CHCHD6: variants seen among roughly 807,000 people sequenced by gnomAD.
CHCHD6 encodes MICOS complex subunit MIC25.
A neutral mutation model predicts 32.3 loss-of-function variants in CHCHD6; 28 were observed. The observed-to-expected ratio is 0.87, with a 90% CI of 0.64 to 1.19. The LOEUF is 1.19. Among genes scored for constraint, CHCHD6 ranks in the 50% most tolerant of loss-of-function variants. The pLI is 0.00. For missense variants in CHCHD6, 333 were observed against 307.0 expected (o/e 1.08, Z -0.63); for synonymous variants, 122 against 117.5 (o/e 1.04, Z -0.25).
chr3:126,911,674 G>A lies in CHCHD6; in HGVS notation c.496-3006G>A, dbSNP rs563947684. On this transcript the variant is annotated intron_variant, in intron 5 of 7. Coordinates refer to ENST00000290913, the MANE Select transcript of CHCHD6 (RefSeq NM_032343.3). ...CTGTGGGTACTTCCTGTGACAAATC[G>A]AGTTGACCACATGTTCAAACTGAGC... Among the ~76,000 whole-genome samples the A allele has an allele frequency of 5.3e-4, 80 of 152,224 alleles. 1 individual carries two copies. Among genetic ancestry groups the A allele is most frequent in the Non-Finnish European group, 9.6e-4 (65 of 68,050 alleles).
intron 4 of CHCHD6, among the ~76,000 whole-genome samples, chr3:126,748,758 C>G (rs1428550643): frequency 6.6e-6 from 1 of 152,156 alleles, no homozygotes; most frequent in Non-Finnish European, 1.5e-5. Flanking sequence ...AGCTATCCTG[C>G]CCCCTTTCTG....
intron 1 of CHCHD6, among the ~76,000 whole-genome samples, chr3:126,720,271 A>G (rs536771608): frequency 1.3e-5 from 2 of 152,178 alleles, no homozygotes; most frequent in Admixed American, 6.5e-5. Flanking sequence ...TGTGACTGCC[A>G]CTGTCATGTA....
intron 6 of CHCHD6, among the ~76,000 whole-genome samples, chr3:126,948,312 G>T (rs1400048829): frequency 6.6e-6 from 1 of 152,250 alleles, no homozygotes; most frequent in Non-Finnish European, 1.5e-5. Context: ...AGGCTGGAGG[G>T]GAAATCTGTT....
At chr3:126,945,518 A>AG (rs2078623293) in intron 6 of CHCHD6, among the ~76,000 whole-genome samples, 1 of 123,538 alleles carries the variant, frequency 8.1e-6, no homozygotes. Context: ...GAGACTTGGG[A>AG]GGGGGGAGAC....
At chr3:126,740,864 G>T (rs183887064) in intron 4 of CHCHD6, among the ~76,000 whole-genome samples, 29 of 152,290 alleles carry the variant, frequency 1.9e-4, no homozygotes, top group Admixed American at 1.7e-3. Context: ...CCTTTTAGTT[G>T]ATCACACACC....
chr3:126,865,860 ACTCT>A, intron 5 of CHCHD6: 1 of 602,688 alleles, frequency 1.7e-6, no homozygotes, highest in Non-Finnish European at 2.1e-6. Flanking sequence ...CCTCTCTTGC[ACTCT>A]AGAGAGGCTG....
In CHCHD6 at chr3:126,937,661, C is replaced by T. The variant is rs189187945; in HGVS notation, c.567-19755C>T. Among the ~76,000 whole-genome samples the T allele has an allele frequency of 1.5e-4, 23 of 152,334 alleles. No homozygotes were observed. In the East Asian group the frequency reaches 4.2e-3, roughly 28 times the overall value. On this transcript the variant is annotated intron_variant, in intron 6 of 7. Transcript: ENST00000290913. ...GCTCACTGCCTGTTCACGGGCTTTC[C>T]TGTCTGCATGGGTTTGCTCTGTGAG...
At chr3:126,842,195 G>A (rs985354975) in intron 4 of CHCHD6, among the ~76,000 whole-genome samples, 2 of 152,168 alleles carry the variant, frequency 1.3e-5, no homozygotes, top group Non-Finnish European at 2.9e-5. Context: ...TCAAGGTCAC[G>A]TCACGGGACA....
intron 6 of CHCHD6, among the ~76,000 whole-genome samples, chr3:126,956,252 G>A (rs1380632701): frequency 1.3e-5 from 2 of 152,054 alleles, no homozygotes; most frequent in Non-Finnish European, 1.5e-5. Flanking sequence ...GCTCTTTTTG[G>A]TGCCCTCAGC....
At chr3:126,928,626 T>C (rs1165402117) in intron 6 of CHCHD6, among the ~76,000 whole-genome samples, 1 of 152,198 alleles carries the variant, frequency 6.6e-6, no homozygotes, top group Non-Finnish European at 1.5e-5. Context: ...CTGGTGTAGC[T>C]AGATCCAGGA....
chr3:126,853,159 G>A (rs1032663221), intron 5 of CHCHD6, among the ~76,000 whole-genome samples: 6 of 151,536 alleles, frequency 4.0e-5, no homozygotes, highest in African/African-American at 9.7e-5. Context: ...CCTGGGAGTC[G>A]GGAAGATCAA....
intron 4 of CHCHD6, among the ~76,000 whole-genome samples, chr3:126,810,150 T>A (rs1056815596): frequency 6.6e-6 from 1 of 152,172 alleles, no homozygotes; most frequent in African/African-American, 2.4e-5. Context: ...AAAATTTAAT[T>A]TCAGAGAAAA....
intron 4 of CHCHD6, among the ~76,000 whole-genome samples, chr3:126,844,087 A>G (rs1367363397): frequency 6.6e-6 from 1 of 152,214 alleles, no homozygotes; most frequent in Non-Finnish European, 1.5e-5. Flanking sequence ...TTGTGATCAT[A>G]GAACATACTT....
intron 5 of CHCHD6, among the ~76,000 whole-genome samples, chr3:126,903,065 G>C (rs769688849): frequency 6.6e-6 from 1 of 152,182 alleles, no homozygotes; most frequent in Non-Finnish European, 1.5e-5. Context: ...CATCTCCTAG[G>C]GATATTCTGA....
At chr3:126,884,642 A>G (rs2077655435) in intron 5 of CHCHD6, among the ~76,000 whole-genome samples, 1 of 152,206 alleles carries the variant, frequency 6.6e-6, no homozygotes, top group Admixed American at 6.5e-5. Flanking sequence ...GGGTTCATGA[A>G]AGAGGCGGGT....
chr3:126,813,491 A>G (rs1332489532), intron 4 of CHCHD6, among the ~76,000 whole-genome samples: 1 of 152,226 alleles, frequency 6.6e-6, no homozygotes, highest in Non-Finnish European at 1.5e-5. Flanking sequence ...ACAGAAAGAA[A>G]TGTATAATTC....
In CHCHD6 at chr3:126,704,412, G is replaced by C. The variant is rs758994949; in HGVS notation, c.87+13G>C. 1 of 1,508,244 alleles carries C rather than the reference G, an allele frequency of 6.6e-7. No individual in the cohort carries two copies. The highest frequency in any genetic ancestry group is 8.9e-7 in the Non-Finnish European group (1 of 1,129,166). The allele number at this position is 1,508,244 out of a possible 1,614,324, so 93.4% of individuals were successfully genotyped here. A position where few individuals can be genotyped will look rare whatever the true frequency, so the allele number is the denominator to read the frequency against. ...GCAGGGTGTCCGGGTGAGCGGCGCC[G>C]CCTGGGCCGGGGCGGGCGTGGAGGC... On this transcript the variant is annotated intron_variant, in intron 1 of 7. Coordinates refer to ENST00000290913, the MANE Select transcript of CHCHD6 (RefSeq NM_032343.3).
At chr3:126,775,865 G>A (rs1464681136) in intron 4 of CHCHD6, among the ~76,000 whole-genome samples, 1 of 152,222 alleles carries the variant, frequency 6.6e-6, no homozygotes, top group Admixed American at 6.5e-5. Context: ...ATGTTCCTCA[G>A]AACAAGAAGG....
intron 5 of CHCHD6, among the ~76,000 whole-genome samples, chr3:126,876,372 C>T (rs769997003): frequency 6.6e-6 from 1 of 152,184 alleles, no homozygotes; most frequent in Non-Finnish European, 1.5e-5. Context: ...TGAGAAGAAA[C>T]GGGCCTCCAT....
Sources: gnomAD v4.1 joint callset for allele counts (sites outside exome capture counted in the v4.1 genomes callset) on GRCh38, gnomAD v4.1.1 for gene constraint, MANE v1.5 for transcripts, NCBI Gene and HGNC (gene_info 2026-07-23, HGNC 2026-07-21) for gene names.